ARID5B: variants seen among roughly 807,000 people sequenced by gnomAD.
ARID5B encodes AT-rich interaction domain 5B, also known as AT-rich interactive domain-containing protein 5B.
In ARID5B, 13 loss-of-function variants were observed where a neutral mutation model predicts 97.2. The observed-to-expected ratio is 0.13, with a 90% CI of 0.09 to 0.21. The LOEUF (loss-of-function observed/expected upper bound fraction) is 0.21. Ranked by LOEUF, ARID5B falls within the 10% of genes least tolerant of loss-of-function variation. ARID5B has a pLI of 1.00. For missense variants in ARID5B, 1,210 were observed against 1,465.3 expected, an observed-to-expected ratio of 0.83 and a Z score of 2.84; for synonymous variants, 556 against 570.3, an observed-to-expected ratio of 0.97 and a Z score of 0.36.
chr10:61,938,896 A>C (rs906506396), intron 2 of ARID5B, among the ~76,000 whole-genome samples: 23 of 139,504 alleles, frequency 1.6e-4, no homozygotes, highest in Non-Finnish European at 3.0e-4. Context: ...AAAAAAAAAA[A>C]CCCTCAACCC....
At chr10:62,014,404 T>C (rs1839257186) in intron 4 of ARID5B, among the ~76,000 whole-genome samples, 1 of 152,190 alleles carries the variant, frequency 6.6e-6, no homozygotes, top group Admixed American at 6.5e-5. Context: ...GAGCTGGTGC[T>C]GACAGGAGGC....
chr10:61,980,242 G>C (rs1176985561), intron 3 of ARID5B, among the ~76,000 whole-genome samples: 2 of 152,228 alleles, frequency 1.3e-5, no homozygotes, highest in Admixed American at 1.3e-4. Flanking sequence ...GGAAGCCACA[G>C]GCAGTGCTGT....
At chr10:61,912,666 T>TTATATATA (rs35376293) in intron 2 of ARID5B, among the ~76,000 whole-genome samples, 176 of 147,358 alleles carry the variant, frequency 1.2e-3, no homozygotes, top group African/African-American at 3.6e-3. Flanking sequence ...ATATGCATGT[T>TTATATATA]TATATATATA....
At chr10:62,036,433 A>G (rs1438917149) in intron 4 of ARID5B, among the ~76,000 whole-genome samples, 1 of 152,184 alleles carries the variant, frequency 6.6e-6, no homozygotes, top group Non-Finnish European at 1.5e-5. Flanking sequence ...GCCCAATGCC[A>G]GAGCACTTTC....
chr10:61,914,929 C>A (rs1002149869), intron 2 of ARID5B, among the ~76,000 whole-genome samples: 3 of 152,160 alleles, frequency 2.0e-5, no homozygotes, highest in African/African-American at 7.2e-5. Flanking sequence ...CTGCGAAGAC[C>A]AGTGGGCGAG....
intron 3 of ARID5B, among the ~76,000 whole-genome samples, chr10:61,979,920 C>T (rs534763875): frequency 5.3e-5 from 8 of 152,206 alleles, no homozygotes; most frequent in Admixed American, 3.3e-4. Flanking sequence ...GGTGAAACCC[C>T]GTTTCTACTG....
chr10:61,991,041 T>TATACACACACACACACACACACACAC (rs1554842858), intron 3 of ARID5B, among the ~76,000 whole-genome samples: 5 of 145,156 alleles, frequency 3.4e-5, no homozygotes, highest in African/African-American at 1.0e-4. Flanking sequence ...ATTTATCCTG[T>TATACACACACACACACACACACACAC]ACACACACAC....
Position 62,096,113 on chromosome 10 carries a change from C to G in ARID5B, c.*3083C>G, listed in dbSNP as rs2132993797. 4.3e-6 allele frequency: 1 copy of G among 233,484 alleles called. No homozygotes were observed. Among genetic ancestry groups the G allele is most frequent in the Non-Finnish European group, 8.5e-6 (1 of 117,950 alleles). 14.5% of individuals were successfully genotyped at this position (233,484 alleles called of 1,614,324 possible). On this transcript the variant is annotated 3_prime_UTR_variant, in exon 10 of 10. Transcript: ENST00000279873. ...AAGTGATTCAAACTTGTAATATTTG[C>G]CACAGGACTGACTTATTTATTTACT... is the stretch of plus-strand genomic sequence containing the variant.
At chr10:62,004,260 TG>T (rs1254055422) in intron 4 of ARID5B, among the ~76,000 whole-genome samples, 1 of 152,230 alleles carries the variant, frequency 6.6e-6, no homozygotes, top group African/African-American at 2.4e-5. Context: ...AAGCATAAAT[TG>T]AATCGTATTA....
At chr10:62,075,645 C>T (rs1840121262) in intron 8 of ARID5B, among the ~76,000 whole-genome samples, 1 of 152,220 alleles carries the variant, frequency 6.6e-6, no homozygotes, top group Non-Finnish European at 1.5e-5. Flanking sequence ...TCAGGTCTTC[C>T]TGTTCCATTC....
intron 7 of ARID5B, among the ~76,000 whole-genome samples, chr10:62,063,912 A>C (rs544519432): frequency 6.6e-6 from 1 of 152,188 alleles, no homozygotes; most frequent in African/African-American, 2.4e-5. Context: ...GTGGTTTGCT[A>C]AAGTGATTTC....
chr10:61,908,926 T>TA (rs1427283140), intron 2 of ARID5B, among the ~76,000 whole-genome samples: 1 of 152,158 alleles, frequency 6.6e-6, no homozygotes, highest in Non-Finnish European at 1.5e-5. Context: ...CTGTGTTCCT[T>TA]AGTTTAAGTT....
chr10:61,934,733 G>A (rs766769089), intron 2 of ARID5B, among the ~76,000 whole-genome samples: 3 of 152,020 alleles, frequency 2.0e-5, no homozygotes, highest in South Asian at 2.1e-4. Flanking sequence ...ATCACTGATC[G>A]GCTGGGTGCG....
chr10:61,997,636 G>A (rs1839019452), intron 3 of ARID5B, among the ~76,000 whole-genome samples: 1 of 152,186 alleles, frequency 6.6e-6, no homozygotes, highest in Non-Finnish European at 1.5e-5. Flanking sequence ...TACAGGCACA[G>A]TATTTACTAT....
intron 4 of ARID5B, among the ~76,000 whole-genome samples, chr10:62,035,040 G>A (rs1255182468): frequency 1.3e-5 from 2 of 152,178 alleles, no homozygotes; most frequent in Admixed American, 1.3e-4. Context: ...AGACAAGGTG[G>A]GTTTCTGTTA....
chr10:61,965,100 T>G (rs878957411), intron 3 of ARID5B, among the ~76,000 whole-genome samples: 1 of 152,232 alleles, frequency 6.6e-6, no homozygotes, highest in Non-Finnish European at 1.5e-5. Context: ...TTAGTCCCCA[T>G]GAAGAAAAAT....
intron 5 of ARID5B, among the ~76,000 whole-genome samples, chr10:62,054,030 C>T (rs947194546): frequency 7.9e-5 from 12 of 152,104 alleles, no homozygotes; most frequent in Admixed American, 2.0e-4. Context: ...AACTCAATCC[C>T]GTGGAAGGAT....
chr10:61,910,450 A>G (rs1161743460), intron 2 of ARID5B, among the ~76,000 whole-genome samples: 2 of 152,268 alleles, frequency 1.3e-5, no homozygotes, highest in Non-Finnish European at 2.9e-5. Context: ...AAACAAATTT[A>G]TCGATTGTTG....
At chr10:62,055,102 G>T (rs1839838196) in intron 5 of ARID5B, among the ~76,000 whole-genome samples, 3 of 152,132 alleles carry the variant, frequency 2.0e-5, no homozygotes. Flanking sequence ...TTTGTCTTTT[G>T]CTTTTCATTT....
Sources: allele counts gnomAD v4.1 joint callset (sites outside exome capture counted in the v4.1 genomes callset), GRCh38; gene constraint gnomAD v4.1.1; transcripts MANE v1.5; gene names NCBI Gene and HGNC (gene_info 2026-07-23, HGNC 2026-07-21).